The following VTI1A variants were observed in gnomAD, a reference collection of about 807,000 sequenced individuals.
VTI1A encodes the protein vesicle transport through interaction with t-SNAREs homolog 1A.
Under a neutral mutation model 34.9 loss-of-function variants are expected in VTI1A, and 22 were observed. That is an observed-to-expected ratio of 0.63 (90% CI 0.45 to 0.90). The LOEUF (loss-of-function observed/expected upper bound fraction) is 0.90. Ranked by LOEUF, VTI1A falls within the 40% of genes least tolerant of loss-of-function variation. VTI1A has a pLI of 0.00. For synonymous variants in VTI1A, 87 were observed against 97.3 expected (o/e 0.89, Z 0.62); for missense variants, 268 against 275.6 (o/e 0.97, Z 0.20).
the VTI1A span, among the ~76,000 whole-genome samples, chr10:112,830,849 AT>A: frequency 0.072 from 2,402 of 33,470 alleles, 193 homozygotes; most frequent in Non-Finnish European, 0.088. Flanking sequence ...ATATATATAT[AT>A]TTTTTTTTTT....
At chr10:112,743,024 G>A (rs1296418601) in intron 7 of VTI1A, among the ~76,000 whole-genome samples, 6 of 135,900 alleles carry the variant, frequency 4.4e-5, no homozygotes, top group African/African-American at 1.7e-4. Context: ...GTGTGTGTGT[G>A]TGTGTGTGTG....
chr10:112,782,979 T>C (rs573656442), intron 7 of VTI1A, among the ~76,000 whole-genome samples: 1 of 152,114 alleles, frequency 6.6e-6, no homozygotes, highest in African/African-American at 2.4e-5. Context: ...GTGCAGAACT[T>C]GGTAGGAAAG....
At position 112,756,070 on chromosome 10, in the gene VTI1A, A is replaced by G. The variant is rs118170529; in HGVS notation, c.561-59220A>G. Among the ~76,000 whole-genome samples, 1,093 of 152,204 alleles carry G rather than the reference A, an allele frequency of 7.2e-3. 8 individuals are homozygous for G. The highest frequency in any genetic ancestry group is 0.025 in the East Asian group (131 of 5,164). ...AGGAAAAAAACAGCGAGAAAAAGAG[A>G]GAGGGAGGGGAGGAGAGGGAGAAAG... On this transcript the variant is annotated intron_variant, in intron 7 of 7. Transcript: ENST00000393077.
chr10:112,525,824 G>A lies in VTI1A; in HGVS notation c.265-1263G>A, dbSNP rs1333459946. Among the ~76,000 whole-genome samples, 3 of 152,122 alleles carry A rather than the reference G, an allele frequency of 2.0e-5. No individual in the cohort carries two copies. The South Asian group carries it at 6.2e-4, about 31-fold the overall frequency. On this transcript the variant is annotated intron_variant, in intron 3 of 7. Transcript: ENST00000393077. The stretch of plus-strand genomic sequence containing the variant: ...GTTCTTTTCCATTCAAATGTAATAC[G>A]TTTGATGTTTAAGGTATTATGATCT...
chr10:112,832,771 C>T, the VTI1A span, among the ~76,000 whole-genome samples: 1 of 152,196 alleles, frequency 6.6e-6, no homozygotes, highest in East Asian at 1.9e-4. Flanking sequence ...TCAGCAGTGG[C>T]CACGGGAGCC....
At chr10:112,687,607 G>C (rs555101377) in intron 7 of VTI1A, among the ~76,000 whole-genome samples, 1 of 151,962 alleles carries the variant, frequency 6.6e-6, no homozygotes, top group African/African-American at 2.4e-5. Flanking sequence ...AGGGAAAAAT[G>C]TATCAACAAT....
At chr10:112,643,784 A>G (rs1846671830) in intron 5 of VTI1A, among the ~76,000 whole-genome samples, 1 of 152,226 alleles carries the variant, frequency 6.6e-6, no homozygotes, top group Non-Finnish European at 1.5e-5. Flanking sequence ...AACTAGCCGA[A>G]TTAGGAAAAT....
At chr10:112,688,665 G>A (rs1284723291) in intron 7 of VTI1A, among the ~76,000 whole-genome samples, 1 of 151,652 alleles carries the variant, frequency 6.6e-6, no homozygotes, top group Non-Finnish European at 1.5e-5. Context: ...GGGATTACAG[G>A]CACATACCAC....
At chr10:112,456,500 A>G (rs968970081) in intron 1 of VTI1A, among the ~76,000 whole-genome samples, 3 of 151,986 alleles carry the variant, frequency 2.0e-5, no homozygotes, top group Non-Finnish European at 2.9e-5. Context: ...CCGAGCATAG[A>G]ACTCTAGGAA....
chr10:112,456,840 C>G (rs943039699), intron 1 of VTI1A, among the ~76,000 whole-genome samples: 1 of 152,168 alleles, frequency 6.6e-6, no homozygotes, highest in African/African-American at 2.4e-5. Flanking sequence ...TAGAGCCGCT[C>G]AAGACTTTGC....
At chr10:112,604,473 A>G (rs1202758550) in intron 5 of VTI1A, among the ~76,000 whole-genome samples, 2 of 152,058 alleles carry the variant, frequency 1.3e-5, no homozygotes, top group East Asian at 3.9e-4. Context: ...TCTTGTTTCT[A>G]TAAAGAATCT....
rs540335079 is a variant in VTI1A, at chr10:112,462,894, GTTTT to G, written c.154-1651_154-1648del. Among the ~76,000 whole-genome samples, 555 of 142,938 alleles carry G rather than the reference GTTTT, an allele frequency of 3.9e-3. 5 individuals carry two copies. Among genetic ancestry groups the G allele is most frequent in the South Asian group, 0.021 (89 of 4,182 alleles). 93.8% of individuals were successfully genotyped at this position (142,938 alleles called of 152,430 possible). On this transcript the variant is annotated intron_variant, in intron 2 of 7. Coordinates refer to ENST00000393077, the MANE Select transcript of VTI1A (RefSeq NM_145206.4). ...CTGGGCCAATTTGTTGTTGTTACTG[GTTTT>G]TATTTATTTATTTATTTATTTATTT...
upstream of VTI1A, chr10:112,447,011 G>T (rs1480791368): frequency 1.4e-5 from 4 of 291,320 alleles, no homozygotes; most frequent in East Asian, 2.0e-4. Flanking sequence ...GCCTTGTAGC[G>T]TGTGGATCCG....
intron 3 of VTI1A, among the ~76,000 whole-genome samples, chr10:112,471,367 A>ATTTTT (rs576549183): frequency 1.5e-4 from 14 of 94,374 alleles, no homozygotes; most frequent in East Asian, 3.3e-4. Flanking sequence ...ATTCTTATTG[A>ATTTTT]TTTTTTTTTT....
chr10:112,579,468 G>A (rs1044352008), intron 5 of VTI1A, among the ~76,000 whole-genome samples: 1 of 152,168 alleles, frequency 6.6e-6, no homozygotes, highest in South Asian at 2.1e-4. Context: ...TTAGGAGGCC[G>A]AGGTGGGAGG....
intron 3 of VTI1A, among the ~76,000 whole-genome samples, chr10:112,511,219 G>T (rs12357160): frequency 0.048 from 7,271 of 150,106 alleles, 669 homozygotes; most frequent in East Asian, 0.42. Flanking sequence ...TATTTAATCT[G>T]TACAAATGTA....
intron 4 of VTI1A, among the ~76,000 whole-genome samples, chr10:112,530,938 C>T (rs985911413): frequency 6.6e-6 from 1 of 152,040 alleles, no homozygotes; most frequent in Non-Finnish European, 1.5e-5. Flanking sequence ...GTTCGACCCA[C>T]GATAATGTGT....
chr10:112,841,133 C>T, the VTI1A span, among the ~76,000 whole-genome samples: 13 of 152,254 alleles, frequency 8.5e-5, no homozygotes, highest in South Asian at 1.9e-3. Flanking sequence ...GAGTCCTCAG[C>T]GCACTAGCTT....
At chr10:112,702,043 C>T (rs974943489) in intron 7 of VTI1A, among the ~76,000 whole-genome samples, 7 of 152,152 alleles carry the variant, frequency 4.6e-5, no homozygotes, top group African/African-American at 1.4e-4. Flanking sequence ...ATACGAAGTC[C>T]ATGAGTCAGG....
Sources: gnomAD v4.1 joint callset for allele counts (sites outside exome capture counted in the v4.1 genomes callset) on GRCh38, gnomAD v4.1.1 for gene constraint, MANE v1.5 for transcripts, NCBI Gene and HGNC (gene_info 2026-07-23, HGNC 2026-07-21) for gene names.